Variants in SMARCAL1 observed in about 807,000 individuals in gnomAD.
The protein encoded by SMARCAL1 is SNF2 related chromatin remodeling annealing helicase 1.
SMARCAL1 carries 58 observed loss-of-function variants against 94.5 expected under a neutral mutation model. The observed-to-expected ratio is 0.61, with a 90% CI of 0.50 to 0.76. The LOEUF (loss-of-function observed/expected upper bound fraction) is 0.76. Ranked by LOEUF, SMARCAL1 falls within the 30% of genes least tolerant of loss-of-function variation. The pLI is 0.00. For missense variants in SMARCAL1, 1,051 were observed against 1,177.9 expected, an observed-to-expected ratio of 0.89 and a Z score of 1.58; for synonymous variants, 422 against 455.1, an observed-to-expected ratio of 0.93 and a Z score of 0.93.
chr2:216,423,838 CA>C (rs1305949282), intron 6 of SMARCAL1, among the ~76,000 whole-genome samples, 155 bp downstream of exon 6: 1 of 152,164 alleles, frequency 6.6e-6, no homozygotes, highest in Non-Finnish European at 1.5e-5. Flanking sequence ...CAGCCTTGTC[CA>C]CATCCACTGA....
chr2:216,415,509 A>C lies in SMARCAL1; in HGVS notation c.805A>C (p.Asn269His). The C allele has an allele frequency of 3.7e-6, 6 of 1,610,612 alleles. No individual in the cohort carries two copies. Among genetic ancestry groups the C allele is most frequent in the Non-Finnish European group, 5.1e-6 (6 of 1,177,872 alleles). The change falls in exon 3 of 18, where the codon AAT becomes CAT. Residue 269 changes from asparagine to histidine, a missense_variant. This residue lies in a region of SMARCAL1 where 398 missense variants were observed against 395.2 expected (regional missense o/e 1.01). Transcript: ENST00000357276. ...IAVFKTLPSK[N>H]YDPDTKTWNF... is the part of the protein sequence containing the mutation. The stretch of plus-strand genomic sequence containing the variant: ...AGTGTTTAAGACCCTGCCCAGCAAG[A>C]ATTATGGTAATGTCTTCATTTTTCA...
At chr2:216,438,120 A>G (rs1174601502) in intron 9 of SMARCAL1, among the ~76,000 whole-genome samples, 2 of 152,192 alleles carry the variant, frequency 1.3e-5, no homozygotes, top group African/African-American at 4.8e-5. Context: ...GCAGCAAACC[A>G]CCTTCTAGTG....
intron 9 of SMARCAL1, among the ~76,000 whole-genome samples, chr2:216,437,675 A>G (rs1347535961): frequency 2.0e-5 from 3 of 152,156 alleles, no homozygotes; most frequent in Admixed American, 6.5e-5. Context: ...CAAACTAGAA[A>G]ATTTCCACTT....
At chr2:216,472,044 G>A (rs995493702) in intron 14 of SMARCAL1, among the ~76,000 whole-genome samples, 9 of 152,130 alleles carry the variant, frequency 5.9e-5, no homozygotes, top group African/African-American at 1.9e-4. Context: ...GCTGTTGTAT[G>A]TATAATAATT....
rs1695046436 is a variant in SMARCAL1 at position 216,475,274 on chromosome 2, G to GCAGCACGTT, written c.2256_2257insGTTCAGCAC (p.Val750_His752dup). 1 of 1,614,042 alleles carries GCAGCACGTT rather than the reference G, an allele frequency of 6.2e-7. No individual in the cohort carries two copies. Among genetic ancestry groups the GCAGCACGTT allele is most frequent in the African/African-American group, 1.3e-5 (1 of 74,934 alleles). ...TCTGCCCCTTGTTCCTGCAGCACGT[G>GCAGCACGTT]CAGCACATCCGCATCGATGGCTCCA... is the stretch of plus-strand genomic sequence containing the variant. On this transcript the variant is annotated inframe_insertion, in exon 15 of 18. Transcript: ENST00000357276. The surrounding 1 kb of genome is among the most constrained non-coding windows in gnomAD (Gnocchi z 4.4).
Position 216,435,219 on chromosome 2 carries a change from G to A in SMARCAL1, c.1486-119G>A, listed in dbSNP as rs529878725. The A allele has an allele frequency of 9.4e-6, 10 of 1,065,788 alleles. No homozygotes were observed. In the East Asian group the frequency reaches 2.4e-4, roughly 26 times the overall value. 66.0% of individuals were successfully genotyped at this position (1,065,788 alleles called of 1,614,324 possible). A position where few individuals can be genotyped will look rare whatever the true frequency, so the allele number is the denominator to read the frequency against. On this transcript the variant is annotated intron_variant, in intron 8 of 17. Coordinates refer to ENST00000357276, the MANE Select transcript of SMARCAL1 (RefSeq NM_014140.4). ...TGTTAGTGGCAAGTGAAGGGGCACA[G>A]GTAGGTGAGAGGAAGGTAGAGGTGA...
At chr2:216,420,168 C>G in intron 4 of SMARCAL1, 131 bp from the exon 5 acceptor site, 1 of 735,000 alleles carries the variant, frequency 1.4e-6, no homozygotes. Context: ...CCTTTTCTTG[C>G]CTTCCTGCCA....
At chr2:216,458,120 C>A (rs1694612805) in intron 12 of SMARCAL1, among the ~76,000 whole-genome samples, 1 of 152,122 alleles carries the variant, frequency 6.6e-6, no homozygotes. Flanking sequence ...TACACTCTCC[C>A]AAGACTAAAC....
At chr2:216,474,585 C>A (rs1329967744) in intron 14 of SMARCAL1, among the ~76,000 whole-genome samples, 1 of 151,562 alleles carries the variant, frequency 6.6e-6, no homozygotes, top group Non-Finnish European at 1.5e-5. Context: ...TGGAACCACG[C>A]CTCTACTAAA....
At position 216,475,092 on chromosome 2, in the gene SMARCAL1, G is replaced by A. The variant is rs967594562; in HGVS notation, c.2245-177G>A. Among the ~76,000 whole-genome samples the A allele has an allele frequency of 6.6e-6, 1 of 152,224 alleles. No homozygotes were observed. The highest frequency in any genetic ancestry group is 1.5e-5 in the Non-Finnish European group (1 of 68,032). ...GGGATCTCTATTATTTCTTACAATG[G>A]CACCTGAGTATAAGCAGTCATCTCA... On this transcript the variant is annotated intron_variant, in intron 14 of 17. Coordinates refer to ENST00000357276, the MANE Select transcript of SMARCAL1 (RefSeq NM_014140.4). The surrounding 1 kb of genome is among the most constrained non-coding windows in gnomAD (Gnocchi z 4.4).
At chr2:216,448,172 C>T (rs1336338477) in intron 11 of SMARCAL1, among the ~76,000 whole-genome samples, 3 of 152,072 alleles carry the variant, frequency 2.0e-5, no homozygotes, top group Non-Finnish European at 4.4e-5. Flanking sequence ...GGAAATTTCC[C>T]AATTATTAAA....
intron 9 of SMARCAL1, among the ~76,000 whole-genome samples, chr2:216,437,902 C>T (rs16856136): frequency 0.035 from 5,350 of 152,312 alleles, 205 homozygotes; most frequent in East Asian, 0.16. Flanking sequence ...TTCTTTCCGT[C>T]TCTCAGTTTC....
Position 216,415,107 on chromosome 2 carries a change from A to G in SMARCAL1, c.403A>G (p.Lys135Glu), listed in dbSNP as rs1417038083. The G allele has an allele frequency of 1.1e-5, 18 of 1,613,786 alleles. No homozygotes were observed. The highest frequency in any genetic ancestry group is 1.5e-5 in the Non-Finnish European group (18 of 1,179,908). ...GGCACAAAGTCCTCCAGAGGTCCCT[A>G]AACAACAGCTCTTGAGTTATGAGTT... ...PLAQSPPEVP[K>E]QQLLSYELGQ... Residue 135 changes from lysine to glutamate, a missense_variant, in exon 3 of 18, where the codon AAA becomes GAA. Around this residue, in one of 3 missense-constraint regions of SMARCAL1, gnomAD observed 398 missense variants for 395.2 expected, o/e 1.01. Transcript: ENST00000357276.
At position 216,475,281 on chromosome 2, in the gene SMARCAL1, A is replaced by G; in HGVS notation, c.2257A>G (p.Ile753Val). The G allele has an allele frequency of 6.2e-7, 1 of 1,614,190 alleles. No individual in the cohort carries two copies. Among genetic ancestry groups the G allele is most frequent in the Non-Finnish European group, 8.5e-7 (1 of 1,180,026 alleles). Residue 753 changes from isoleucine (I) to valine (V), a missense_variant, in exon 15 of 18, where the codon ATC becomes GTC. By Grantham distance (29) the Ile-to-Val change is conservative (BLOSUM62 3). Coordinates refer to ENST00000357276, the MANE Select transcript of SMARCAL1 (RefSeq NM_014140.4). The surrounding 1 kb of genome is among the most constrained non-coding windows in gnomAD (Gnocchi z 4.4). The stretch of plus-strand genomic sequence containing the variant: ...CTTGTTCCTGCAGCACGTGCAGCAC[A>G]TCCGCATCGATGGCTCCACCTCATC... ...QELERKHVQH[I>V]RIDGSTSSAE...
intron 12 of SMARCAL1, among the ~76,000 whole-genome samples, chr2:216,452,624 T>C (rs886860282): frequency 6.7e-6 from 1 of 148,256 alleles, no homozygotes; most frequent in African/African-American, 2.7e-5. Flanking sequence ...ACAGCCAAGG[T>C]AGACACCTGA....
rs193208212 is a variant in SMARCAL1, at chr2:216,481,304, C to A, written c.2626-1434C>A. 2.0e-5 allele frequency among the ~76,000 whole-genome samples: 3 copies of A among 149,300 alleles called. No individual in the cohort carries two copies. In the East Asian group the frequency reaches 6.1e-4, roughly 31 times the overall value. On this transcript the variant is annotated intron_variant, in intron 17 of 17. Coordinates refer to ENST00000357276, the MANE Select transcript of SMARCAL1 (RefSeq NM_014140.4). ...GCCTCCCAGGCTCAAGTGATTCCCC[C>A]CATCTCAGCCTCCCGAGTAGCTGGA...
At chr2:216,427,610 C>T (rs6711638) in intron 6 of SMARCAL1, among the ~76,000 whole-genome samples, 15,691 of 152,238 alleles carry the variant, frequency 0.1, 922 homozygotes, top group South Asian at 0.18. Context: ...TGTATTAATG[C>T]CATCAACCTT....
rs185854595 is a variant in SMARCAL1, at chr2:216,428,707, T to C, written c.1259T>C (p.Val420Ala). 116 of 1,614,212 alleles carry C rather than the reference T, an allele frequency of 7.2e-5. No individual in the cohort carries two copies. In the East Asian group the frequency reaches 1.8e-3, roughly 24 times the overall value. Residue 420 changes from valine (V) to alanine (A), a missense_variant, in exon 7 of 18, where the codon GTC becomes GCC. By Grantham distance (64) the Val-to-Ala change is moderately conservative. Transcript: ENST00000357276. The stretch of plus-strand genomic sequence containing the variant: ...ACATCTCTCAGTCTCACGCCAGATG[T>C]CCCAGAGGCAGACCTTTCTGAAGTG... The part of the protein sequence containing the change: ...KKTSLSLTPD[V>A]PEADLSEVDP...
intron 6 of SMARCAL1, among the ~76,000 whole-genome samples, chr2:216,425,464 G>T (rs190814581): frequency 1.3e-5 from 2 of 152,192 alleles, no homozygotes; most frequent in Non-Finnish European, 2.9e-5. Flanking sequence ...CTGGCCGAGG[G>T]AGTCCCAAGG....
Sources: gnomAD v4.1 joint callset for allele counts (sites outside exome capture counted in the v4.1 genomes callset) on GRCh38, gnomAD v4.1.1 for gene constraint, gnomAD v4.1.1 regional missense constraint, Gnocchi (gnomAD v3.1) non-coding constraint, MANE v1.5 for transcripts, NCBI Gene and HGNC (gene_info 2026-07-23, HGNC 2026-07-21) for gene names.